Variants in IKZF1 observed in about 807,000 individuals in gnomAD.
IKZF1 encodes DNA-binding protein Ikaros.
In IKZF1, 10 loss-of-function variants were observed where a neutral mutation model predicts 51.7. That is an observed-to-expected ratio of 0.19 (90% CI 0.12 to 0.33). The LOEUF (loss-of-function observed/expected upper bound fraction) is 0.33. Ranked by LOEUF, IKZF1 falls within the 10% of genes least tolerant of loss-of-function variation. IKZF1 has a pLI of 1.00. For missense variants in IKZF1, 484 were observed against 707.5 expected (o/e 0.68, Z 3.58); for synonymous variants, 280 against 282.3 (o/e 0.99, Z 0.08).
intron 2 of IKZF1, 114 bp from the exon 3 acceptor site, chr7:50,327,524 C>T (rs1294005880): frequency 7.8e-7 from 1 of 1,283,628 alleles, no homozygotes; most frequent in East Asian, 2.6e-5. Flanking sequence ...CAGAGAAGCA[C>T]TGGCTCCACC....
At chr7:50,354,571 G>A (rs1206330284) in intron 3 of IKZF1, among the ~76,000 whole-genome samples, 4 of 152,320 alleles carry the variant, frequency 2.6e-5, no homozygotes, top group Admixed American at 6.5e-5. Context: ...TGTACTGTAC[G>A]TTTTTGTTTT....
At chr7:50,386,999 C>T (rs1490398823) in intron 5 of IKZF1, among the ~76,000 whole-genome samples, 6 of 152,146 alleles carry the variant, frequency 3.9e-5, no homozygotes, top group Non-Finnish European at 8.8e-5. Flanking sequence ...GGGCCTTCCT[C>T]ACATCTCTGT....
chr7:50,404,439 G>C lies in IKZF1; in HGVS notation c.*3812G>C, dbSNP rs1232617993. 4.4e-6 allele frequency: 1 copy of C among 229,230 alleles called. No homozygotes were observed. The highest frequency in any genetic ancestry group is 8.7e-6 in the Non-Finnish European group (1 of 115,526). 14.2% of individuals were successfully genotyped at this position (229,230 alleles called of 1,614,324 possible). On this transcript the variant is annotated 3_prime_UTR_variant, in exon 8 of 8. Transcript: ENST00000331340. ...AACAAATAAATGCAACGAATACTCTGTCTGCCCTATCCCGTGAAGTCCACA... is the reference window on the plus strand; with the variant it reads ...AACAAATAAATGCAACGAATACTCTCTCTGCCCTATCCCGTGAAGTCCACA...
At position 50,404,028 on chromosome 7, in the gene IKZF1, A is replaced by C; in HGVS notation, c.*3401A>C. On this transcript the variant is annotated 3_prime_UTR_variant, in exon 8 of 8. Transcript: ENST00000331340. The stretch of plus-strand genomic sequence containing the variant: ...ATGTATTTTTACTTTAAGATGAACC[A>C]AAATTATTAGACTTATTTAAGATGT... The C allele has an allele frequency of 4.6e-6, 1 of 216,126 alleles. No homozygotes were observed. The highest frequency in any genetic ancestry group is 9.3e-6 in the Non-Finnish European group (1 of 106,962). The allele number at this position is 216,126 out of a possible 1,614,324, so 13.4% of individuals were successfully genotyped here.
chr7:50,349,072 G>A (rs758311075), intron 3 of IKZF1, among the ~76,000 whole-genome samples: 6 of 152,160 alleles, frequency 3.9e-5, no homozygotes, highest in Admixed American at 1.3e-4. Context: ...TCTTCCCATC[G>A]CACAACTGGT....
intron 3 of IKZF1, among the ~76,000 whole-genome samples, chr7:50,360,830 C>T (rs947264534): frequency 1.3e-5 from 2 of 152,200 alleles, no homozygotes; most frequent in South Asian, 2.1e-4. Flanking sequence ...TGGCTCTGCC[C>T]GGCGCTGCCC....
rs1177910925 is a variant in IKZF1 at position 50,402,666 on chromosome 7, T to C, written c.*2039T>C. 1 of 223,126 alleles carries C rather than the reference T, an allele frequency of 4.5e-6. No individual in the cohort carries two copies. The highest frequency in any genetic ancestry group is 8.9e-6 in the Non-Finnish European group (1 of 112,672). The allele number at this position is 223,126 out of a possible 1,614,324, so 13.8% of individuals were successfully genotyped here. On this transcript the variant is annotated 3_prime_UTR_variant, in exon 8 of 8. Coordinates refer to ENST00000331340, the MANE Select transcript of IKZF1 (RefSeq NM_006060.6). Reference sequence around the variant, plus strand: ...CATTATAAATTCTATAAATCAATTATTCCCCTTCGGTCTTAAAAATATATT... The same window carrying C: ...CATTATAAATTCTATAAATCAATTACTCCCCTTCGGTCTTAAAAATATATT...
intron 3 of IKZF1, among the ~76,000 whole-genome samples, chr7:50,359,322 C>G (rs1260562901): frequency 6.6e-6 from 1 of 152,230 alleles, no homozygotes; most frequent in Non-Finnish European, 1.5e-5. Flanking sequence ...TCAGAAATCT[C>G]TACAGGTGTG....
At position 50,403,005 on chromosome 7, in the gene IKZF1, G is replaced by T. The variant is rs1488473795; in HGVS notation, c.*2378G>T. On this transcript the variant is annotated 3_prime_UTR_variant, in exon 8 of 8. Coordinates refer to ENST00000331340, the MANE Select transcript of IKZF1 (RefSeq NM_006060.6). ...TTCCATCCATCCCCCTGAGTCAGTT[G>T]GTTGAAGGGAGTTATTTTTTCAAGT... 3.5e-5 allele frequency: 8 copies of T among 225,568 alleles called. No homozygotes were observed. Among genetic ancestry groups the T allele is most frequent in the Middle Eastern group, 1.3e-3 (1 of 774 alleles). 14.0% of individuals were successfully genotyped at this position (225,568 alleles called of 1,614,324 possible). A position where few individuals can be genotyped will look rare whatever the true frequency, so the allele number is the denominator to read the frequency against.
At position 50,331,441 on chromosome 7, in the gene IKZF1, A is replaced by C. The variant is rs1023546173; in HGVS notation, c.160+3684A>C. 8.9e-3 allele frequency among the ~76,000 whole-genome samples: 1,346 copies of C among 151,252 alleles called. 27 individuals carry two copies. Among genetic ancestry groups the C allele is most frequent in the South Asian group, 0.056 (268 of 4,784 alleles). ...AATGGTGAGAAGCTAAAAGATGCAAAAAAAAAAAAAAAGTGGGAAATTATT... is the reference window on the plus strand; with the variant it reads ...AATGGTGAGAAGCTAAAAGATGCAACAAAAAAAAAAAAGTGGGAAATTATT... On this transcript the variant is annotated intron_variant, in intron 3 of 7. Coordinates refer to ENST00000331340, the MANE Select transcript of IKZF1 (RefSeq NM_006060.6).
At chr7:50,393,549 T>A (rs1815818518) in intron 7 of IKZF1, among the ~76,000 whole-genome samples, 1 of 151,860 alleles carries the variant, frequency 6.6e-6, no homozygotes, top group Admixed American at 6.6e-5. Context: ...AGGTTGGGGG[T>A]TGAGAGGAGC....
Position 50,334,553 on chromosome 7 carries a change from T to C in IKZF1, c.160+6796T>C. On this transcript the variant is annotated intron_variant, in intron 3 of 7. Coordinates refer to ENST00000331340, the MANE Select transcript of IKZF1 (RefSeq NM_006060.6). ...GTGTAGTGTATATGTGTATGCTGTG[T>C]ATATGTATATGGGGTGTGTATGTGT... 1.3e-5 allele frequency among the ~76,000 whole-genome samples: 2 copies of C among 150,858 alleles called. 1 individual carries two copies. Among genetic ancestry groups the C allele is most frequent in the Non-Finnish European group, 3.0e-5 (2 of 67,674 alleles).
rs941110191 is a variant in IKZF1 at position 50,404,374 on chromosome 7, C to T, written c.*3747C>T. The T allele has an allele frequency of 2.7e-5, 6 of 226,324 alleles. No homozygotes were observed. The highest frequency in any genetic ancestry group is 4.4e-5 in the Non-Finnish European group (5 of 113,648). 14.0% of individuals were successfully genotyped at this position (226,324 alleles called of 1,614,324 possible). ...TGTACCACTGGAGGAATAGAGTATC[C>T]TTTTGTACACATTTTGAAATGCTTC... On this transcript the variant is annotated 3_prime_UTR_variant, in exon 8 of 8. Transcript: ENST00000331340.
intron 3 of IKZF1, among the ~76,000 whole-genome samples, chr7:50,332,454 A>G (rs1765864662): frequency 1.3e-5 from 2 of 152,182 alleles, no homozygotes; most frequent in African/African-American, 4.8e-5. Flanking sequence ...CCATGAAATC[A>G]GGCAGCAGGG....
rs185720022 is a variant in IKZF1, at chr7:50,380,891, G to A, written c.422-1649G>A. Among the ~76,000 whole-genome samples the A allele has an allele frequency of 5.9e-5, 9 of 152,202 alleles. 1 individual carries two copies. The highest frequency in any genetic ancestry group is 2.1e-4 in the South Asian group (1 of 4,822). ...CATCCAGTATTGATTTACATGCATC[G>A]GTTTGTAACTCAGACAGTATAGTTA... On this transcript the variant is annotated intron_variant, in intron 4 of 7. Coordinates refer to ENST00000331340, the MANE Select transcript of IKZF1 (RefSeq NM_006060.6).
chr7:50,375,389 A>T (rs1054237303), intron 3 of IKZF1, among the ~76,000 whole-genome samples: 1 of 152,294 alleles, frequency 6.6e-6, no homozygotes, highest in African/African-American at 2.4e-5. Context: ...AGAAACATTT[A>T]GTCTTGATTG....
intron 3 of IKZF1, among the ~76,000 whole-genome samples, chr7:50,375,969 C>A (rs1167384451): frequency 1.3e-5 from 2 of 152,174 alleles, no homozygotes; most frequent in Non-Finnish European, 2.9e-5. Context: ...GAACTCTGAG[C>A]ATTTTTATGT....
chr7:50,393,355 G>A (rs1815738375), intron 7 of IKZF1, among the ~76,000 whole-genome samples: 1 of 152,130 alleles, frequency 6.6e-6, no homozygotes, highest in Non-Finnish European at 1.5e-5. Flanking sequence ...AAATTGTGGT[G>A]GGAGAGAGGT....
At chr7:50,371,843 C>G (rs758336419) in intron 3 of IKZF1, among the ~76,000 whole-genome samples, 11 of 152,186 alleles carry the variant, frequency 7.2e-5, no homozygotes, top group Non-Finnish European at 1.6e-4. Context: ...ACAGAAGATT[C>G]CAGATTTCAG....
Sources: gnomAD v4.1 joint callset for allele counts (sites outside exome capture counted in the v4.1 genomes callset) on GRCh38, gnomAD v4.1.1 for gene constraint, MANE v1.5 for transcripts, NCBI Gene and HGNC (gene_info 2026-07-23, HGNC 2026-07-21) for gene names.